ERGIC2: variants seen among roughly 807,000 people sequenced by gnomAD.
ERGIC2 encodes the protein endoplasmic reticulum-Golgi intermediate compartment protein 2.
ERGIC2 carries 31 observed loss-of-function variants against 52.5 expected under a neutral mutation model. That is an observed-to-expected ratio of 0.59 (90% CI 0.44 to 0.80). The LOEUF is 0.80. ERGIC2 is among the 30% of genes least tolerant of loss of function. The pLI is 0.00. For missense variants in ERGIC2, 395 were observed against 455.2 expected (o/e 0.87, Z 1.20); for synonymous variants, 129 against 140.6 (o/e 0.92, Z 0.58).
chr12:29,365,000 T>A (rs946444604), intron 5 of ERGIC2, among the ~76,000 whole-genome samples: 2 of 151,750 alleles, frequency 1.3e-5, no homozygotes, highest in African/African-American at 2.4e-5. Context: ...GGAACACTTA[T>A]ATGCTGCTGG....
chr12:29,341,356 T>A (rs1180276041), intron 13 of ERGIC2, 138 bp from the exon 14 acceptor site: 5 of 703,122 alleles, frequency 7.1e-6, no homozygotes, highest in Non-Finnish European at 1.2e-5. Context: ...TCTCCCCCTA[T>A]TTCTCTATCT....
chr12:29,371,501 G>A, intron 2 of ERGIC2, 27 bp downstream of exon 2: 1 of 1,447,964 alleles, frequency 6.9e-7, no homozygotes, highest in Non-Finnish European at 9.5e-7. Flanking sequence ...ACTTACTACA[G>A]AACTTTTAAT....
At chr12:29,363,612 T>C (rs949603061) in intron 5 of ERGIC2, among the ~76,000 whole-genome samples, 21 of 152,012 alleles carry the variant, frequency 1.4e-4, no homozygotes, top group African/African-American at 5.1e-4. Context: ...CTAGAAGAGA[T>C]GGCAGAAACT....
At chr12:29,367,949 C>T (rs987205326) in intron 4 of ERGIC2, among the ~76,000 whole-genome samples, 1 of 151,470 alleles carries the variant, frequency 6.6e-6, no homozygotes, top group African/African-American at 2.4e-5. Flanking sequence ...GTACTCCAAA[C>T]AAAAAAAGAC....
intron 1 of ERGIC2, among the ~76,000 whole-genome samples, chr12:29,377,764 T>C (rs1940533923): frequency 6.6e-6 from 1 of 152,204 alleles, no homozygotes; most frequent in Admixed American, 6.5e-5. Flanking sequence ...TATTTCATCA[T>C]TGTATCCATC....
chr12:29,338,310 A>T lies in ERGIC2; in HGVS notation c.*2846T>A, dbSNP rs1239977402. On this transcript the variant is annotated 3_prime_UTR_variant, in exon 14 of 14. Coordinates refer to ENST00000360150, the MANE Select transcript of ERGIC2 (RefSeq NM_016570.3). ...AATTCAATGCTATCATAAAACATAC[A>T]TGAGAAAAGTGTGATATTAATCATC... is the stretch of plus-strand genomic sequence containing the variant. The T allele has an allele frequency of 6.6e-6, 1 of 152,168 alleles. No homozygotes were observed. The highest frequency in any genetic ancestry group is 1.5e-5 in the Non-Finnish European group (1 of 68,030). 9.4% of individuals were successfully genotyped at this position (152,168 alleles called of 1,614,324 possible).
At position 29,368,303 on chromosome 12, in the gene ERGIC2, T is replaced by G; in HGVS notation, c.216-16A>C. 7.4e-7 allele frequency: 1 copy of G among 1,351,320 alleles called. No individual in the cohort carries two copies. The highest frequency in any genetic ancestry group is 1.1e-6 in the Non-Finnish European group (1 of 943,604). The allele number at this position is 1,351,320 out of a possible 1,614,324, so 83.7% of individuals were successfully genotyped here. ...TCTTAATTTGCTGAAAGACAAAATA[T>G]TAAACATTAGTACCTACCAATTAAT... On this transcript the variant is annotated splice_polypyrimidine_tract_variant and intron_variant, in intron 3 of 13. Transcript: ENST00000360150.
chr12:29,342,483 C>G (rs1327311741), intron 12 of ERGIC2, among the ~76,000 whole-genome samples: 4 of 152,170 alleles, frequency 2.6e-5, no homozygotes, highest in African/African-American at 9.7e-5. Context: ...CTACCCAGCT[C>G]CATCTAATAC....
At chr12:29,362,851 T>C (rs1940305830) in intron 5 of ERGIC2, among the ~76,000 whole-genome samples, 1 of 152,134 alleles carries the variant, frequency 6.6e-6, no homozygotes, top group African/African-American at 2.4e-5. Flanking sequence ...ATAAGGAAAA[T>C]GCTAACATCT....
In ERGIC2 at chr12:29,341,716, G is replaced by GTATAC. The variant is rs774885674; in HGVS notation, c.1071+13_1071+17dup. On this transcript the variant is annotated intron_variant, in intron 13 of 13. Coordinates refer to ENST00000360150, the MANE Select transcript of ERGIC2 (RefSeq NM_016570.3). ...TCTAAGATTTAGAGATCAGCACCAT[G>GTATAC]TATACTACACCACTTACAGAATTGA... is the stretch of plus-strand genomic sequence containing the variant. 23 of 1,312,736 alleles carry GTATAC rather than the reference G, an allele frequency of 1.8e-5. No homozygotes were observed. In the African/African-American group the frequency reaches 2.5e-4, roughly 14 times the overall value. 81.3% of individuals were successfully genotyped at this position (1,312,736 alleles called of 1,614,324 possible). A position where few individuals can be genotyped will look rare whatever the true frequency, so the allele number is the denominator to read the frequency against.
In ERGIC2 at chr12:29,342,520, A is replaced by G. The variant is rs190985234; in HGVS notation, c.988+600T>C. ...GAATAAGGACTGAAGATGAAAATAG[A>G]ATTGTTTCCTTTTTCTCTATTGTAC... is the stretch of plus-strand genomic sequence containing the variant. On this transcript the variant is annotated intron_variant, in intron 12 of 13. Coordinates refer to ENST00000360150, the MANE Select transcript of ERGIC2 (RefSeq NM_016570.3). Among the ~76,000 whole-genome samples the G allele has an allele frequency of 5.9e-5, 9 of 152,316 alleles. No homozygotes were observed. In the East Asian group the frequency reaches 1.7e-3, roughly 29 times the overall value.
At chr12:29,364,540 T>C (rs1565542289) in intron 5 of ERGIC2, among the ~76,000 whole-genome samples, 1 of 152,016 alleles carries the variant, frequency 6.6e-6, no homozygotes, top group Admixed American at 6.6e-5. Flanking sequence ...GCATCACCCT[T>C]GGGAAAGAAT....
intron 1 of ERGIC2, among the ~76,000 whole-genome samples, chr12:29,379,657 C>T (rs1052626364): frequency 6.6e-6 from 1 of 152,148 alleles, no homozygotes; most frequent in African/African-American, 2.4e-5. Flanking sequence ...TATGTTTCAA[C>T]ACATTCAATC....
chr12:29,368,905 G>A (rs1940400757), intron 3 of ERGIC2, among the ~76,000 whole-genome samples: 1 of 151,858 alleles, frequency 6.6e-6, no homozygotes, highest in African/African-American at 2.4e-5. Context: ...TAAATCACCT[G>A]ATGCTTAAAA....
chr12:29,370,019 A>C, intron 3 of ERGIC2, 95 bp downstream of exon 3: 4 of 1,190,460 alleles, frequency 3.4e-6, no homozygotes, highest in Middle Eastern at 3.1e-4. Flanking sequence ...AAACAAACCA[A>C]ATCTAGAAGG....
Position 29,349,073 on chromosome 12 carries a change from A to G in ERGIC2, c.727+6T>C. Reference sequence around the variant, plus strand: ...TAAAATCCAACAATAATTATTAAATACTTACGATCTATAGCAATTTTTTCA... The same window carrying G: ...TAAAATCCAACAATAATTATTAAATGCTTACGATCTATAGCAATTTTTTCA... On this transcript the variant is annotated splice_donor_region_variant and intron_variant, in intron 10 of 13. Coordinates refer to ENST00000360150, the MANE Select transcript of ERGIC2 (RefSeq NM_016570.3). 2 of 1,417,092 alleles carry G rather than the reference A, an allele frequency of 1.4e-6. No individual in the cohort carries two copies. The highest frequency in any genetic ancestry group is 1.9e-6 in the Non-Finnish European group (2 of 1,035,276). The allele number at this position is 1,417,092 out of a possible 1,614,324, so 87.8% of individuals were successfully genotyped here.
chr12:29,340,960 C>A lies in ERGIC2; in HGVS notation c.*196G>T. 1.7e-6 allele frequency: 1 copy of A among 579,964 alleles called. No individual in the cohort carries two copies. 35.9% of individuals were successfully genotyped at this position (579,964 alleles called of 1,614,324 possible). ...TCATCGTTTAGCTGCATGATTTCTT[C>A]TACGACATTTGTAACAGACACAACG... On this transcript the variant is annotated 3_prime_UTR_variant, in exon 14 of 14. Transcript: ENST00000360150.
At chr12:29,369,729 A>G (rs537161656) in intron 3 of ERGIC2, among the ~76,000 whole-genome samples, 1 of 152,138 alleles carries the variant, frequency 6.6e-6, no homozygotes, top group South Asian at 2.1e-4. Flanking sequence ...GCTTAGGTAT[A>G]ATTTATAGAC....
At chr12:29,346,895 G>C (rs1940060548) in intron 10 of ERGIC2, among the ~76,000 whole-genome samples, 1 of 152,126 alleles carries the variant, frequency 6.6e-6, no homozygotes, top group Non-Finnish European at 1.5e-5. Context: ...GATTCAACTA[G>C]AGAAGCAAGT....
Sources: gnomAD v4.1 joint callset for allele counts (sites outside exome capture counted in the v4.1 genomes callset) on GRCh38, gnomAD v4.1.1 for gene constraint, MANE v1.5 for transcripts, NCBI Gene and HGNC (gene_info 2026-07-23, HGNC 2026-07-21) for gene names.